Variants in SRPK2 observed in about 807,000 individuals in gnomAD.
The protein encoded by SRPK2 is SFRS protein kinase 2.
A neutral mutation model predicts 90.8 loss-of-function variants in SRPK2; 21 were observed. That is an observed-to-expected ratio of 0.23 (90% CI 0.16 to 0.33). SRPK2 has a LOEUF of 0.33. Ranked by LOEUF, SRPK2 falls within the 10% of genes least tolerant of loss-of-function variation. The pLI, the probability that SRPK2 is intolerant of heterozygous loss-of-function variation, is 1.00. For missense variants in SRPK2, 620 were observed against 869.0 expected, an observed-to-expected ratio of 0.71 and a Z score of 3.60; for synonymous variants, 288 against 311.1, an observed-to-expected ratio of 0.93 and a Z score of 0.78.
At chr7:105,312,317 G>T (rs1412459456) in intron 2 of SRPK2, among the ~76,000 whole-genome samples, 1 of 151,366 alleles carries the variant, frequency 6.6e-6, no homozygotes, top group Non-Finnish European at 1.5e-5. Context: ...GTGCACGCCT[G>T]TAGTCCCAGC....
At chr7:105,121,274 G>A (rs1262187897) in intron 15 of SRPK2, among the ~76,000 whole-genome samples, 1 of 151,836 alleles carries the variant, frequency 6.6e-6, no homozygotes, top group Admixed American at 6.6e-5. Context: ...GAACCCAGGA[G>A]GCAGAGGTTG....
chr7:105,153,625 A>AC (rs1806073161), intron 7 of SRPK2, among the ~76,000 whole-genome samples: 1 of 152,130 alleles, frequency 6.6e-6, no homozygotes, highest in Non-Finnish European at 1.5e-5. Flanking sequence ...AAGAAATAGA[A>AC]TGAGAGCAAC....
intron 15 of SRPK2, among the ~76,000 whole-genome samples, chr7:105,123,991 G>A (rs1026005477): frequency 2.0e-4 from 31 of 152,212 alleles, no homozygotes; most frequent in African/African-American, 7.2e-4. Flanking sequence ...AAAAGAACTC[G>A]ATCACGTAAG....
chr7:105,233,997 T>C (rs1799833632), intron 2 of SRPK2, among the ~76,000 whole-genome samples: 1 of 152,130 alleles, frequency 6.6e-6, no homozygotes, highest in African/African-American at 2.4e-5. Context: ...TTGTTAAATA[T>C]TAAAATAAAA....
At chr7:105,312,996 A>G (rs144012907) in intron 2 of SRPK2, among the ~76,000 whole-genome samples, 21 of 152,290 alleles carry the variant, frequency 1.4e-4, no homozygotes, top group Non-Finnish European at 2.8e-4. Flanking sequence ...GAATAATAAA[A>G]TTACACTATC....
At chr7:105,200,389 A>C (rs928405267) in intron 3 of SRPK2, among the ~76,000 whole-genome samples, 3 of 152,172 alleles carry the variant, frequency 2.0e-5, no homozygotes, top group African/African-American at 7.2e-5. Context: ...CTAAGAACAA[A>C]ATTTGGGATA....
chr7:105,387,935 C>A (rs921198469), intron 2 of SRPK2, among the ~76,000 whole-genome samples: 2 of 152,204 alleles, frequency 1.3e-5, no homozygotes, highest in African/African-American at 4.8e-5. Flanking sequence ...TCCACTCCGA[C>A]CGGCTCCCGC....
intron 2 of SRPK2, among the ~76,000 whole-genome samples, chr7:105,230,245 G>A (rs1184710905): frequency 6.6e-6 from 1 of 152,198 alleles, no homozygotes; most frequent in African/African-American, 2.4e-5. Flanking sequence ...GGAAGACTTT[G>A]ACAGAGATGG....
chr7:105,167,385 T>C lies in SRPK2; in HGVS notation c.506A>G (p.Asn169Ser). The C allele has an allele frequency of 6.2e-7, 1 of 1,612,186 alleles. No homozygotes were observed. Among genetic ancestry groups the C allele is most frequent in the Non-Finnish European group, 8.5e-7 (1 of 1,178,528 alleles). Residue 169 changes from asparagine to serine, a missense_variant, in exon 6 of 16, where the codon AAT becomes AGT. Around this residue, in one of 8 missense-constraint regions of SRPK2, gnomAD observed 196 missense variants for 339.2 expected, o/e 0.58. Transcript: ENST00000393651. The stretch of plus-strand genomic sequence containing the variant: ...CAGGAAGTAAAGGATACGTATCCCA[T>C]TCATGCCTGAAATCTTGAAGTCGTC... ...LIDDFKISGM[N>S]GIHVCMVFEV...
At chr7:105,256,929 A>C (rs1412926843) in intron 2 of SRPK2, among the ~76,000 whole-genome samples, 1 of 152,214 alleles carries the variant, frequency 6.6e-6, no homozygotes, top group African/African-American at 2.4e-5. Context: ...AGTTTCCCAG[A>C]AGTGCAATTA....
chr7:105,237,708 G>A (rs1563126545), intron 2 of SRPK2, among the ~76,000 whole-genome samples: 1 of 152,208 alleles, frequency 6.6e-6, no homozygotes, highest in East Asian at 1.9e-4. Flanking sequence ...AAGACCGAAT[G>A]GGGATAGGGT....
chr7:105,373,573 T>C (rs946474402), intron 2 of SRPK2, among the ~76,000 whole-genome samples: 9 of 151,988 alleles, frequency 5.9e-5, no homozygotes, highest in African/African-American at 2.2e-4. Flanking sequence ...CAGCTGATTT[T>C]TGTATTTTTA....
intron 2 of SRPK2, among the ~76,000 whole-genome samples, chr7:105,300,953 G>A (rs1810474696): frequency 6.6e-6 from 1 of 152,228 alleles, no homozygotes; most frequent in Non-Finnish European, 1.5e-5. Context: ...GTGGAAGACA[G>A]TGTGGCGATT....
chr7:105,326,588 T>C (rs1813621374), intron 2 of SRPK2, among the ~76,000 whole-genome samples: 1 of 152,186 alleles, frequency 6.6e-6, no homozygotes, highest in Non-Finnish European at 1.5e-5. Flanking sequence ...ATGCCACTTA[T>C]TAATCACCCT....
At chr7:105,325,509 G>C (rs1585714427) in intron 2 of SRPK2, among the ~76,000 whole-genome samples, 1 of 104,848 alleles carries the variant, frequency 9.5e-6, no homozygotes, top group Non-Finnish European at 1.9e-5. Flanking sequence ...AAAAAATGAT[G>C]TCCATTATTT....
intron 6 of SRPK2, among the ~76,000 whole-genome samples, chr7:105,163,772 T>C (rs950876544): frequency 6.6e-6 from 1 of 152,044 alleles, no homozygotes; most frequent in African/African-American, 2.4e-5. Flanking sequence ...GACTGCACCA[T>C]TGCACTCCAG....
At chr7:105,269,831 TTTTCC>T (rs1419768013) in intron 2 of SRPK2, among the ~76,000 whole-genome samples, 1 of 152,232 alleles carries the variant, frequency 6.6e-6, no homozygotes, top group Non-Finnish European at 1.5e-5. Flanking sequence ...TGTAAAGCTG[TTTTCC>T]TATCCCTAAT....
chr7:105,280,947 C>CA lies in SRPK2; in HGVS notation c.72-77163dup, dbSNP rs1158350206. Among the ~76,000 whole-genome samples, 73 of 43,326 alleles carry CA rather than the reference C, an allele frequency of 1.7e-3. 11 individuals carry two copies. Among genetic ancestry groups the CA allele is most frequent in the African/African-American group, 4.1e-3 (35 of 8,636 alleles). The allele number at this position is 43,326 out of a possible 152,430, so 28.4% of individuals were successfully genotyped here. A position where few individuals can be genotyped will look rare whatever the true frequency, so the allele number is the denominator to read the frequency against. ...GGGCGACAGAGCGAAGACTCCATCTCAAAAAAAAAAAAAAAAAAAAAAAAA... is the reference window on the plus strand; with the variant it reads ...GGGCGACAGAGCGAAGACTCCATCTCAAAAAAAAAAAAAAAAAAAAAAAAAA... On this transcript the variant is annotated intron_variant, in intron 2 of 15. Coordinates refer to ENST00000393651, the MANE Select transcript of SRPK2 (RefSeq NM_182692.3).
chr7:105,316,580 T>A (rs1812334580), intron 2 of SRPK2, among the ~76,000 whole-genome samples: 1 of 152,236 alleles, frequency 6.6e-6, no homozygotes, highest in African/African-American at 2.4e-5. Flanking sequence ...AGATCAAAGA[T>A]AAACAGTTTA....
Sources: allele counts gnomAD v4.1 joint callset (sites outside exome capture counted in the v4.1 genomes callset), GRCh38; gene constraint gnomAD v4.1.1; regional missense constraint gnomAD v4.1.1; transcripts MANE v1.5; gene names NCBI Gene and HGNC (gene_info 2026-07-23, HGNC 2026-07-21).